SGK3: variants seen among roughly 807,000 people sequenced by gnomAD.
The protein encoded by SGK3 is serum/glucocorticoid regulated kinase family member 3.
A neutral mutation model predicts 68.5 loss-of-function variants in SGK3; 47 were observed. That is an observed-to-expected ratio of 0.69 (90% CI 0.54 to 0.87). The LOEUF is 0.87. SGK3 is among the 40% of genes least tolerant of loss of function. SGK3 has a pLI of 0.00. For synonymous variants in SGK3, 181 were observed against 189.1 expected (o/e 0.96, Z 0.35); for missense variants, 479 against 575.5 (o/e 0.83, Z 1.72).
chr8:66,760,874 G>A (rs769770335), intron 1 of SGK3, among the ~76,000 whole-genome samples: 4 of 152,100 alleles, frequency 2.6e-5, no homozygotes, highest in South Asian at 4.2e-4. Flanking sequence ...GTACTAAGCC[G>A]GGCGTAGTGG....
At chr8:66,719,127 A>G (rs1804726170) in intron 1 of SGK3, among the ~76,000 whole-genome samples, 1 of 152,166 alleles carries the variant, frequency 6.6e-6, no homozygotes, top group Admixed American at 6.5e-5. Context: ...TGAGAAGCAT[A>G]TGTAATAAAA....
At chr8:66,768,017 G>A (rs774077533) in intron 1 of SGK3, 2 of 734,666 alleles carry the variant, frequency 2.7e-6, no homozygotes, top group Admixed American at 2.0e-5. Context: ...CTGGATTATT[G>A]CCGCTCTCAA....
intron 4 of SGK3, among the ~76,000 whole-genome samples, chr8:66,804,714 T>G (rs1808081979): frequency 6.6e-6 from 1 of 152,208 alleles, no homozygotes; most frequent in South Asian, 2.1e-4. Flanking sequence ...CACAGGTTCA[T>G]TAATTTGCCC....
chr8:66,843,604 C>A, intron 14 of SGK3, 57 bp downstream of exon 14: 2 of 1,530,128 alleles, frequency 1.3e-6, no homozygotes, highest in Non-Finnish European at 1.8e-6. Flanking sequence ...GATTGTCTGT[C>A]TGTCTCTCCC....
At chr8:66,805,792 T>G (rs1375701437) in intron 4 of SGK3, among the ~76,000 whole-genome samples, 4 of 152,224 alleles carry the variant, frequency 2.6e-5, no homozygotes, top group Non-Finnish European at 5.9e-5. Context: ...CTAATTTGCT[T>G]GTAACCTTGT....
intron 1 of SGK3, among the ~76,000 whole-genome samples, chr8:66,750,969 T>A (rs1805796399): frequency 6.6e-6 from 1 of 150,660 alleles, no homozygotes; most frequent in African/African-American, 2.4e-5. Context: ...ATCGCGCCAC[T>A]GCACTCCAGC....
At chr8:66,766,502 G>A (rs1199119592) in intron 1 of SGK3, among the ~76,000 whole-genome samples, 4 of 152,114 alleles carry the variant, frequency 2.6e-5, no homozygotes, top group African/African-American at 9.7e-5. Context: ...CAGCCTGGGC[G>A]ACAGAGCAAG....
At chr8:66,730,800 C>G (rs1358375333) in intron 1 of SGK3, among the ~76,000 whole-genome samples, 2 of 151,820 alleles carry the variant, frequency 1.3e-5, no homozygotes, top group African/African-American at 4.8e-5. Context: ...GCCTCAGCCT[C>G]TAGAGTAGCT....
At chr8:66,851,359 C>CA (rs921406063) in intron 16 of SGK3, among the ~76,000 whole-genome samples, 61 of 150,322 alleles carry the variant, frequency 4.1e-4, no homozygotes, top group African/African-American at 1.2e-3. Flanking sequence ...ACTAAAAATA[C>CA]AAAAAAAAAT....
rs1007888179 is a variant in SGK3 at position 66,742,249 on chromosome 8, A to AT, written c.-122+29424dup. ...CCTCAGGGCCTAAACTGTTCAAATC[A>AT]TTTTTTTTATGAAGGTTTAGGAGAA... On this transcript the variant is annotated intron_variant, in intron 1 of 16. Transcript: ENST00000521198. Among the ~76,000 whole-genome samples, 230 of 152,126 alleles carry AT rather than the reference A, an allele frequency of 1.5e-3. 1 individual carries two copies. Among genetic ancestry groups the AT allele is most frequent in the African/African-American group, 5.3e-3 (220 of 41,492 alleles).
chr8:66,809,984 C>T (rs753496959), intron 4 of SGK3, among the ~76,000 whole-genome samples: 3 of 152,116 alleles, frequency 2.0e-5, no homozygotes, highest in African/African-American at 4.8e-5. Context: ...GAGGAAGCCT[C>T]GGTGCCTTCT....
chr8:66,816,492 C>G (rs551419312), intron 5 of SGK3, among the ~76,000 whole-genome samples: 1 of 151,638 alleles, frequency 6.6e-6, no homozygotes, highest in East Asian at 2.0e-4. Context: ...ATTACAGGTG[C>G]GCGCCACCAC....
intron 16 of SGK3, 35 bp from the exon 17 acceptor site, chr8:66,859,376 C>A: frequency 1.3e-6 from 2 of 1,509,474 alleles, no homozygotes; most frequent in South Asian, 1.4e-5. Flanking sequence ...GAAAGAAAAG[C>A]TAAGGTGAAT....
chr8:66,800,255 G>T (rs1201408970), intron 3 of SGK3, among the ~76,000 whole-genome samples: 1 of 151,230 alleles, frequency 6.6e-6, no homozygotes, highest in Admixed American at 6.6e-5. Flanking sequence ...GCAGGAGAAT[G>T]GCGTGAACCC....
chr8:66,824,071 C>CT (rs1465946052), intron 6 of SGK3, among the ~76,000 whole-genome samples: 3 of 151,966 alleles, frequency 2.0e-5, no homozygotes, highest in Admixed American at 6.6e-5. Flanking sequence ...AGACATATTC[C>CT]TTTTTTGTGA....
intron 4 of SGK3, among the ~76,000 whole-genome samples, chr8:66,810,098 GTTCTAC>G (rs1808321321): frequency 6.6e-6 from 1 of 152,120 alleles, no homozygotes; most frequent in African/African-American, 2.4e-5. Context: ...GAAGAACTAA[GTTCTAC>G]CTGTTGATTG....
chr8:66,857,655 C>T (rs550915529), intron 16 of SGK3, among the ~76,000 whole-genome samples: 1 of 152,138 alleles, frequency 6.6e-6, no homozygotes, highest in African/African-American at 2.4e-5. Context: ...GTGACACATG[C>T]CTGTGGTCCC....
chr8:66,760,265 T>G (rs1292692474), intron 1 of SGK3, among the ~76,000 whole-genome samples: 1 of 151,998 alleles, frequency 6.6e-6, no homozygotes, highest in East Asian at 1.9e-4. Flanking sequence ...ATTTTATCAC[T>G]GCCAACAAAT....
intron 1 of SGK3, among the ~76,000 whole-genome samples, chr8:66,779,574 ATATATATATATATATATATATATATAT>A (rs1432070663): frequency 8.4e-6 from 1 of 118,964 alleles, no homozygotes; most frequent in African/African-American, 3.3e-5. Flanking sequence ...ATATATATAT[ATATATATATATATATATATATATATAT>A]AAAACACATT....
Sources: allele counts gnomAD v4.1 joint callset (sites outside exome capture counted in the v4.1 genomes callset), GRCh38; gene constraint gnomAD v4.1.1; transcripts MANE v1.5; gene names NCBI Gene and HGNC (gene_info 2026-07-23, HGNC 2026-07-21).